Variants in AKAP6 observed in about 807,000 individuals in gnomAD.
The protein encoded by AKAP6 is A-kinase anchoring protein 6, also known as A-kinase anchor protein 6.
In AKAP6, 58 loss-of-function variants were observed where a neutral mutation model predicts 188.5. The ratio of observed to expected loss-of-function variants is 0.31; its 90% CI spans 0.25 to 0.38. AKAP6 has a LOEUF of 0.38. Among genes scored for constraint, AKAP6 ranks in the 10% least tolerant of loss-of-function variants. The probability of loss-of-function intolerance (pLI) is 1.00; values close to 1 mark genes in which losing one functional copy is unlikely to be tolerated. For missense variants in AKAP6, 2,710 were observed against 2,740.0 expected, an observed-to-expected ratio of 0.99 and a Z score of 0.24; for synonymous variants, 989 against 998.6, an observed-to-expected ratio of 0.99 and a Z score of 0.18.
Position 32,805,139 on chromosome 14 carries a change from C to T in AKAP6, c.3589-16263C>T, listed in dbSNP as rs573591844. On this transcript the variant is annotated intron_variant, in intron 12 of 13. Transcript: ENST00000280979. ...AACAGGATTAAGAGATTAAGACAGGCGTAAGAAGTTATAAGAGTATTATTT... is the reference window on the plus strand; with the variant it reads ...AACAGGATTAAGAGATTAAGACAGGTGTAAGAAGTTATAAGAGTATTATTT... 1.4e-4 allele frequency among the ~76,000 whole-genome samples: 21 copies of T among 152,264 alleles called. No homozygotes were observed. In the South Asian group the frequency reaches 3.1e-3, roughly 23 times the overall value.
In AKAP6 at chr14:32,528,148, G is replaced by C. The variant is rs185517975; in HGVS notation, c.325-7406G>C. Among the ~76,000 whole-genome samples the C allele has an allele frequency of 1.6e-3, 243 of 152,220 alleles. 1 individual carries two copies. Among genetic ancestry groups the C allele is most frequent in the African/African-American group, 5.6e-3 (232 of 41,538 alleles). On this transcript the variant is annotated intron_variant, in intron 2 of 13. Transcript: ENST00000280979. ...GTTAAGGGTGTAAGGTCTATGTCTA[G>C]GATTATCATTATTATTATTACTTGC...
intron 4 of AKAP6, among the ~76,000 whole-genome samples, chr14:32,557,638 A>T (rs184713446): frequency 6.6e-6 from 1 of 152,216 alleles, no homozygotes; most frequent in African/African-American, 2.4e-5. Flanking sequence ...TTGGATGTTG[A>T]TAATGATCTC....
At chr14:32,499,318 A>T (rs764458512) in intron 2 of AKAP6, among the ~76,000 whole-genome samples, 21 of 120,304 alleles carry the variant, frequency 1.7e-4, no homozygotes, top group Non-Finnish European at 3.3e-4. Flanking sequence ...ATAAAAAATA[A>T]GTGTAACAGC....
chr14:32,797,010 G>A (rs1465774463), intron 12 of AKAP6, among the ~76,000 whole-genome samples: 1 of 152,036 alleles, frequency 6.6e-6, no homozygotes, highest in Non-Finnish European at 1.5e-5. Flanking sequence ...CATACATGCA[G>A]TGAACTAATA....
intron 7 of AKAP6, among the ~76,000 whole-genome samples, chr14:32,670,758 A>G (rs1204860735): frequency 1.3e-5 from 2 of 152,076 alleles, no homozygotes; most frequent in Admixed American, 6.6e-5. Context: ...AGAATAGTAA[A>G]CAAGTTCTAT....
chr14:32,546,916 G>T lies in AKAP6; in HGVS notation c.2263G>T (p.Ala755Ser). The stretch of plus-strand genomic sequence containing the variant: ...CTCTGAGAAAAATGAGAGCCATTCT[G>T]CCACTAAATCAGCTTTAATTCAGAA... Reference protein sequence around the residue: ...SSSEKNESHSATKSALIQKLM... With the variant: ...SSSEKNESHSSTKSALIQKLM... The change falls in exon 4 of 14, where the codon GCC (alanine) becomes TCC (serine). Residue 755 changes from alanine to serine, a missense_variant. Ala to Ser is a moderately conservative substitution (Grantham distance 99). Around this residue, in one of 2 missense-constraint regions of AKAP6, gnomAD observed 2,473 missense variants for 2,426.1 expected, o/e 1.02. Transcript: ENST00000280979. 1 of 1,613,410 alleles carries T rather than the reference G, an allele frequency of 6.2e-7. No homozygotes were observed. Among genetic ancestry groups the T allele is most frequent in the Non-Finnish European group, 8.5e-7 (1 of 1,180,006 alleles).
intron 4 of AKAP6, among the ~76,000 whole-genome samples, chr14:32,570,504 G>A (rs1884430884): frequency 6.6e-6 from 1 of 151,930 alleles, no homozygotes; most frequent in Admixed American, 6.6e-5. Flanking sequence ...TAGACTTAGT[G>A]AATAATAAAA....
chr14:32,759,179 A>C (rs1162732797), intron 11 of AKAP6, among the ~76,000 whole-genome samples: 1 of 152,210 alleles, frequency 6.6e-6, no homozygotes, highest in Admixed American at 6.5e-5. Flanking sequence ...TACCCTCTAC[A>C]TTTAGAATAT....
At chr14:32,829,744 T>C in intron 13 of AKAP6, 104 bp from the exon 14 acceptor site, 1 of 558,958 alleles carries the variant, frequency 1.8e-6, no homozygotes, top group Non-Finnish European at 3.2e-6. Context: ...CATTAGCAAG[T>C]AGTCCCACAA....
chr14:32,347,119 G>A (rs545308339), intron 1 of AKAP6, among the ~76,000 whole-genome samples: 1 of 152,240 alleles, frequency 6.6e-6, no homozygotes, highest in Non-Finnish European at 1.5e-5. Flanking sequence ...TAAAAGCTTT[G>A]CTCTATTTAG....
intron 9 of AKAP6, among the ~76,000 whole-genome samples, chr14:32,731,418 G>A (rs1314164468): frequency 6.6e-6 from 1 of 152,018 alleles, no homozygotes; most frequent in African/African-American, 2.4e-5. Context: ...TTTGCCCAGA[G>A]AAAAGTTTTT....
chr14:32,548,722 G>A (rs1420039427), intron 4 of AKAP6, among the ~76,000 whole-genome samples: 1 of 152,100 alleles, frequency 6.6e-6, no homozygotes, highest in Non-Finnish European at 1.5e-5. Flanking sequence ...GCAAACTCAC[G>A]TCTTCTGATT....
At chr14:32,651,931 C>T (rs1055399135) in intron 7 of AKAP6, among the ~76,000 whole-genome samples, 3 of 152,000 alleles carry the variant, frequency 2.0e-5, no homozygotes, top group Non-Finnish European at 4.4e-5. Context: ...TACTCTTTTT[C>T]CTGCCACCCT....
chr14:32,453,204 A>G (rs1016875636), intron 2 of AKAP6, among the ~76,000 whole-genome samples: 1 of 152,204 alleles, frequency 6.6e-6, no homozygotes, highest in Non-Finnish European at 1.5e-5. Context: ...ATTGGGTAAC[A>G]TATCATCCAG....
chr14:32,681,133 A>T (rs1889658466), intron 8 of AKAP6, among the ~76,000 whole-genome samples: 1 of 152,210 alleles, frequency 6.6e-6, no homozygotes, highest in African/African-American at 2.4e-5. Flanking sequence ...TGTGCATGGC[A>T]TGATGCTCTG....
At chr14:32,556,613 G>T (rs549327812) in intron 4 of AKAP6, among the ~76,000 whole-genome samples, 3 of 152,282 alleles carry the variant, frequency 2.0e-5, no homozygotes, top group East Asian at 1.9e-4. Context: ...AAAGTGCTGG[G>T]ATTGCAGGCA....
chr14:32,588,335 T>C (rs1033400633), intron 5 of AKAP6, among the ~76,000 whole-genome samples: 2 of 152,228 alleles, frequency 1.3e-5, no homozygotes, highest in Non-Finnish European at 2.9e-5. Flanking sequence ...ATCATTTCCA[T>C]GATGATGGGC....
chr14:32,431,673 C>T (rs4981969), intron 1 of AKAP6, among the ~76,000 whole-genome samples: 88,537 of 151,946 alleles, frequency 0.58, 31,175 homozygotes, highest in Non-Finnish European at 0.77. Context: ...CCACTACACC[C>T]GGCTAATTTT....
intron 2 of AKAP6, among the ~76,000 whole-genome samples, chr14:32,482,925 G>GTATGTGACTATAT (rs1404170651): frequency 6.6e-6 from 1 of 151,952 alleles, no homozygotes; most frequent in Non-Finnish European, 1.5e-5. Flanking sequence ...ATATCTGTGA[G>GTATGTGACTATAT]AAATTCTAGA....
Sources: allele counts gnomAD v4.1 joint callset (sites outside exome capture counted in the v4.1 genomes callset), GRCh38; gene constraint gnomAD v4.1.1; regional missense constraint gnomAD v4.1.1; transcripts MANE v1.5; gene names NCBI Gene and HGNC (gene_info 2026-07-23, HGNC 2026-07-21).